MARCHF3: variants seen among roughly 807,000 people sequenced by gnomAD.
MARCHF3 encodes E3 ubiquitin-protein ligase MARCHF3.
A neutral mutation model predicts 24.2 loss-of-function variants in MARCHF3; 13 were observed. That is an observed-to-expected ratio of 0.54 (90% CI 0.35 to 0.85). MARCHF3 has a LOEUF of 0.85. Among genes scored for constraint, MARCHF3 ranks in the 40% least tolerant of loss-of-function variants. The pLI, the probability that MARCHF3 is intolerant of heterozygous loss-of-function variation, is 0.01. For missense variants in MARCHF3, 276 were observed against 325.0 expected, an observed-to-expected ratio of 0.85 and a Z score of 1.16; for synonymous variants, 144 against 137.3, an observed-to-expected ratio of 1.05 and a Z score of -0.34.
intron 1 of MARCHF3, among the ~76,000 whole-genome samples, chr5:126,995,276 A>T (rs1279406347): frequency 2.0e-5 from 3 of 152,222 alleles, no homozygotes; most frequent in Non-Finnish European, 4.4e-5. Flanking sequence ...TACGTAAATC[A>T]ATTGAGCCAA....
intron 1 of MARCHF3, among the ~76,000 whole-genome samples, chr5:127,015,143 T>C (rs1479980755): frequency 6.6e-6 from 1 of 152,220 alleles, no homozygotes; most frequent in Admixed American, 6.5e-5. Context: ...GAAATTACTT[T>C]CAAATACGGA....
intron 3 of MARCHF3, among the ~76,000 whole-genome samples, chr5:126,900,835 GGGATTACA>G (rs1754078790): frequency 6.6e-6 from 1 of 151,652 alleles, no homozygotes; most frequent in South Asian, 2.1e-4. Context: ...TCAAATAGCT[GGGATTACA>G]GGAGCCTGCC....
intron 3 of MARCHF3, among the ~76,000 whole-genome samples, chr5:126,894,846 A>T (rs908248904): frequency 1.5e-4 from 23 of 151,724 alleles, no homozygotes; most frequent in Non-Finnish European, 2.9e-4. Context: ...CCTGAATCTG[A>T]ACGTTGGCCT....
intron 1 of MARCHF3, among the ~76,000 whole-genome samples, chr5:126,977,794 C>T (rs1434895168): frequency 1.3e-5 from 2 of 152,218 alleles, no homozygotes; most frequent in African/African-American, 2.4e-5. Context: ...CAACACTATT[C>T]GGCCATTCCG....
chr5:126,931,700 G>C (rs942991726), intron 1 of MARCHF3, among the ~76,000 whole-genome samples: 3 of 151,756 alleles, frequency 2.0e-5, no homozygotes, highest in African/African-American at 7.3e-5. Flanking sequence ...GACTACTAAA[G>C]TATAATCTCT....
At chr5:126,939,396 C>T (rs181838021) in intron 1 of MARCHF3, among the ~76,000 whole-genome samples, 5 of 152,132 alleles carry the variant, frequency 3.3e-5, no homozygotes, top group East Asian at 3.9e-4. Context: ...TTACTAACAC[C>T]GTGGCTACTA....
At chr5:126,878,029 CAT>C (rs1230403411) in intron 4 of MARCHF3, among the ~76,000 whole-genome samples, 154 bp downstream of exon 4, 2 of 151,348 alleles carry the variant, frequency 1.3e-5, no homozygotes, top group African/African-American at 4.9e-5. Flanking sequence ...CACACACACA[CAT>C]AGTCATAAAC....
intron 1 of MARCHF3, among the ~76,000 whole-genome samples, chr5:127,003,394 G>C (rs969625387): frequency 2.6e-5 from 4 of 151,640 alleles, no homozygotes; most frequent in Non-Finnish European, 5.9e-5. Context: ...CGTGAACCCG[G>C]GAGGCGGAGC....
Position 126,915,126 on chromosome 5 carries a change from T to A in MARCHF3, c.197A>T (p.Asn66Ile). 6.2e-7 allele frequency: 1 copy of A among 1,613,484 alleles called. No homozygotes were observed. Residue 66 changes from asparagine to isoleucine, a missense_variant, in exon 3 of 5, where the codon AAT becomes ATT. Coordinates refer to ENST00000308660, the MANE Select transcript of MARCHF3 (RefSeq NM_178450.5). ...GCAGATCCTGCACATCGGCCGGTCA[T>A]TGAAGGGGCTGCAAGAGAAGGAGGG... The part of the protein sequence containing the change: ...VRTLATQSPF[N>I]DRPMCRICHE...
At chr5:127,017,628 T>C (rs1392970616) in intron 1 of MARCHF3, among the ~76,000 whole-genome samples, 3 of 152,162 alleles carry the variant, frequency 2.0e-5, no homozygotes, top group Non-Finnish European at 2.9e-5. Context: ...ATGTAACTTA[T>C]TGCATACTAT....
intron 3 of MARCHF3, among the ~76,000 whole-genome samples, chr5:126,897,618 C>T (rs1314022939): frequency 6.6e-6 from 1 of 151,838 alleles, no homozygotes; most frequent in African/African-American, 2.4e-5. Context: ...CAAATGATAT[C>T]CATAAAAGAA....
chr5:126,995,807 A>T (rs776674625), intron 1 of MARCHF3, among the ~76,000 whole-genome samples: 1 of 152,276 alleles, frequency 6.6e-6, no homozygotes, highest in Non-Finnish European at 1.5e-5. Flanking sequence ...AAGGGCAGGA[A>T]GAATGAGAAA....
intron 1 of MARCHF3, among the ~76,000 whole-genome samples, chr5:127,005,516 C>T (rs556723086): frequency 1.1e-4 from 17 of 152,102 alleles, no homozygotes; most frequent in Non-Finnish European, 2.1e-4. Flanking sequence ...CATTCACATC[C>T]TCATCCAGGG....
At chr5:127,030,075 G>T (rs1048181116) in intron 1 of MARCHF3, 2 of 152,258 alleles carry the variant, frequency 1.3e-5, no homozygotes, top group African/African-American at 4.8e-5. Flanking sequence ...TTGCCGCAGA[G>T]GGGCAGGGGA....
intron 1 of MARCHF3, among the ~76,000 whole-genome samples, chr5:127,028,666 C>T (rs555965476): frequency 5.9e-5 from 9 of 151,616 alleles, no homozygotes; most frequent in African/African-American, 1.9e-4. Context: ...AAGCTGTAAA[C>T]CCGTGTTGCA....
At chr5:126,927,343 C>T (rs1216161003) in intron 1 of MARCHF3, among the ~76,000 whole-genome samples, 1 of 152,192 alleles carries the variant, frequency 6.6e-6, no homozygotes, top group Non-Finnish European at 1.5e-5. Context: ...TAGGGTCTCT[C>T]TCTTGGTGAT....
chr5:126,914,892 T>C (rs1489614134), intron 3 of MARCHF3, 38 bp downstream of exon 3: 2 of 1,607,588 alleles, frequency 1.2e-6, no homozygotes, highest in Non-Finnish European at 1.7e-6. Context: ...CATTTGCTCA[T>C]TAGAGCTAAG....
At chr5:126,953,856 T>G (rs1750337570) in intron 1 of MARCHF3, among the ~76,000 whole-genome samples, 1 of 152,228 alleles carries the variant, frequency 6.6e-6, no homozygotes, top group Non-Finnish European at 1.5e-5. Flanking sequence ...GGATTGGATG[T>G]CTATGCCCAT....
At chr5:126,951,295 G>A (rs551139519) in intron 1 of MARCHF3, among the ~76,000 whole-genome samples, 1 of 152,098 alleles carries the variant, frequency 6.6e-6, no homozygotes, top group Non-Finnish European at 1.5e-5. Context: ...GGGCCCCAGG[G>A]TTCAGTCCAT....
Sources: gnomAD v4.1 joint callset for allele counts (sites outside exome capture counted in the v4.1 genomes callset) on GRCh38, gnomAD v4.1.1 for gene constraint, MANE v1.5 for transcripts, NCBI Gene and HGNC (gene_info 2026-07-23, HGNC 2026-07-21) for gene names.